Variants in ALPK2 observed in about 807,000 individuals in gnomAD.
ALPK2 encodes the protein alpha kinase 2.
A neutral mutation model predicts 163.1 loss-of-function variants in ALPK2; 127 were observed. That is an observed-to-expected ratio of 0.78 (90% CI 0.67 to 0.90). The LOEUF is 0.90. ALPK2 is among the 40% of genes least tolerant of loss of function. ALPK2 has a pLI of 0.00. For synonymous variants in ALPK2, 953 were observed against 959.1 expected (o/e 0.99, Z 0.12); for missense variants, 2,360 against 2,589.6 (o/e 0.91, Z 1.92).
intron 1 of ALPK2, among the ~76,000 whole-genome samples, chr18:58,622,066 G>T (rs1255882010): frequency 6.6e-6 from 1 of 151,696 alleles, no homozygotes; most frequent in Non-Finnish European, 1.5e-5. Flanking sequence ...CCTGTGCGAG[G>T]CCGGGCATAG....
intron 4 of ALPK2, among the ~76,000 whole-genome samples, chr18:58,541,975 A>G (rs1453776686): frequency 1.3e-5 from 2 of 152,212 alleles, no homozygotes; most frequent in Admixed American, 1.3e-4. Flanking sequence ...CTAGCAAATG[A>G]TTCTTCTGCT....
chr18:58,612,805 G>A (rs771323560), intron 1 of ALPK2, among the ~76,000 whole-genome samples: 3 of 152,212 alleles, frequency 2.0e-5, no homozygotes, highest in Non-Finnish European at 4.4e-5. Flanking sequence ...GTGGAGCCCT[G>A]AGCTTAGAAA....
intron 4 of ALPK2, among the ~76,000 whole-genome samples, chr18:58,565,730 TGTTC>T (rs1568087001): frequency 7.6e-6 from 1 of 132,222 alleles, no homozygotes; most frequent in Non-Finnish European, 1.6e-5. Flanking sequence ...TTCTCTTTTT[TGTTC>T]CTTCCTTCCT....
chr18:58,559,101 C>G (rs2051810164), intron 4 of ALPK2, among the ~76,000 whole-genome samples: 1 of 152,192 alleles, frequency 6.6e-6, no homozygotes, highest in Admixed American at 6.5e-5. Context: ...AATGAGATAA[C>G]TATTTTCTTT....
intron 4 of ALPK2, among the ~76,000 whole-genome samples, chr18:58,554,267 G>A (rs1206222728): frequency 6.6e-6 from 1 of 152,178 alleles, no homozygotes; most frequent in South Asian, 2.1e-4. Flanking sequence ...GCTTCTCAGG[G>A]TAGATCTATG....
intron 10 of ALPK2, among the ~76,000 whole-genome samples, chr18:58,510,362 ATGTGGGCTCT>A (rs1316419343): frequency 6.6e-6 from 1 of 152,222 alleles, no homozygotes; most frequent in Non-Finnish European, 1.5e-5. Context: ...TGACTTGGCA[ATGTGGGCTCT>A]TTTTTGGTTC....
At chr18:58,527,920 A>G (rs886564716) in intron 6 of ALPK2, among the ~76,000 whole-genome samples, 4 of 152,244 alleles carry the variant, frequency 2.6e-5, no homozygotes, top group African/African-American at 9.6e-5. Context: ...GCAGACATAT[A>G]TGATTTAATT....
At chr18:58,558,597 CAT>C (rs924065542) in intron 4 of ALPK2, among the ~76,000 whole-genome samples, 7 of 152,200 alleles carry the variant, frequency 4.6e-5, no homozygotes, top group African/African-American at 1.7e-4. Flanking sequence ...AATTTGAAAA[CAT>C]ATGCCCACAA....
At chr18:58,554,802 A>G (rs1279492344) in intron 4 of ALPK2, among the ~76,000 whole-genome samples, 1 of 152,114 alleles carries the variant, frequency 6.6e-6, no homozygotes, top group Non-Finnish European at 1.5e-5. Flanking sequence ...CTTATCTTGA[A>G]TTGTAGCTCC....
chr18:58,616,652 A>G (rs1001918482), intron 1 of ALPK2, among the ~76,000 whole-genome samples: 1 of 152,236 alleles, frequency 6.6e-6, no homozygotes, highest in African/African-American at 2.4e-5. Context: ...AGGGTGGCAC[A>G]TCCCAACTCC....
chr18:58,564,669 A>G lies in ALPK2; in HGVS notation c.1962+14145T>C, dbSNP rs554382715. 6.6e-5 allele frequency among the ~76,000 whole-genome samples: 10 copies of G among 151,930 alleles called. No homozygotes were observed. The South Asian group carries it at 2.1e-3, about 32-fold the overall frequency. ...GCAGCTGATGTAAAATTAGGGATTC[A>G]CAGGACCTCACTGCCTCGGAAATTA... On this transcript the variant is annotated intron_variant, in intron 4 of 12. Transcript: ENST00000361673.
At chr18:58,605,002 G>A (rs1289599735) in intron 3 of ALPK2, among the ~76,000 whole-genome samples, 2 of 152,214 alleles carry the variant, frequency 1.3e-5, no homozygotes, top group Admixed American at 6.5e-5. Flanking sequence ...CTTAACACAT[G>A]TCAAGCTTCT....
chr18:58,610,803 T>C (rs2052124772), intron 2 of ALPK2, among the ~76,000 whole-genome samples: 1 of 151,328 alleles, frequency 6.6e-6, no homozygotes, highest in Non-Finnish European at 1.5e-5. Context: ...ATATAAAAAT[T>C]AGCCAGGCGA....
At chr18:58,498,147 C>G in intron 11 of ALPK2, 50 bp from the exon 12 acceptor site, 2 of 1,597,910 alleles carry the variant, frequency 1.3e-6, no homozygotes, top group South Asian at 1.1e-5. Flanking sequence ...CAGGGCCCCT[C>G]AGGAAGTTGG....
intron 4 of ALPK2, among the ~76,000 whole-genome samples, chr18:58,555,030 T>C (rs1389390743): frequency 6.6e-6 from 1 of 152,212 alleles, no homozygotes; most frequent in African/African-American, 2.4e-5. Flanking sequence ...TTCTTAGCCA[T>C]GTGTAACAGT....
intron 1 of ALPK2, among the ~76,000 whole-genome samples, chr18:58,623,060 A>G (rs1169703121): frequency 6.6e-6 from 1 of 152,054 alleles, no homozygotes; most frequent in African/African-American, 2.4e-5. Flanking sequence ...TATTATGCTG[A>G]ACTAACCACC....
Position 58,580,164 on chromosome 18 carries a change from A to T in ALPK2, c.612T>A (p.Asp204Glu). The T allele has an allele frequency of 6.2e-7, 1 of 1,614,184 alleles. No homozygotes were observed. The highest frequency in any genetic ancestry group is 8.5e-7 in the Non-Finnish European group (1 of 1,180,020). Residue 204 changes from aspartate to glutamate, a missense_variant, in exon 4 of 13, where the codon GAT (aspartate) becomes GAA (glutamate). By Grantham distance (45) the Asp-to-Glu change is conservative. Transcript: ENST00000361673. ...KGTRHTGEAY[D>E]PSNTEEIANG... ...TTGCAATTTCTTCTGTGTTACTTGG[A>T]TCATAAGCCTCTCCAGTGTGCCTTG...
In ALPK2 at chr18:58,521,265, G is replaced by A. The variant is rs117640966; in HGVS notation, c.5665+2541C>T. Among the ~76,000 whole-genome samples, 174 of 152,238 alleles carry A rather than the reference G, an allele frequency of 1.1e-3. 2 individuals are homozygous for A. The East Asian group carries it at 0.031, about 27-fold the overall frequency. On this transcript the variant is annotated intron_variant, in intron 8 of 12. Transcript: ENST00000361673. ...TAGCTTATCCCCACTGGGGTCTCTC[G>A]CCTGACTAGTAATCCTTGAGAAATG...
At chr18:58,493,814 G>A (rs576795819) in intron 12 of ALPK2, among the ~76,000 whole-genome samples, 23 of 152,320 alleles carry the variant, frequency 1.5e-4, no homozygotes, top group African/African-American at 4.3e-4. Flanking sequence ...CAGCCACTGC[G>A]AGGGGTGTCC....
Sources: allele counts gnomAD v4.1 joint callset (sites outside exome capture counted in the v4.1 genomes callset), GRCh38; gene constraint gnomAD v4.1.1; transcripts MANE v1.5; gene names NCBI Gene and HGNC (gene_info 2026-07-23, HGNC 2026-07-21).